CNTN5: variants seen among roughly 807,000 people sequenced by gnomAD.
CNTN5 encodes contactin 5.
A neutral mutation model predicts 129.1 loss-of-function variants in CNTN5; 77 were observed. That is an observed-to-expected ratio of 0.60 (90% CI 0.50 to 0.72). CNTN5 has a LOEUF of 0.72. Among genes scored for constraint, CNTN5 ranks in the 30% least tolerant of loss-of-function variants. CNTN5 has a pLI of 0.00. For synonymous variants in CNTN5, 509 were observed against 465.6 expected (o/e 1.09, Z -1.20); for missense variants, 1,478 against 1,328.8 (o/e 1.11, Z -1.75).
chr11:99,736,481 A>T (rs187286704), intron 3 of CNTN5, among the ~76,000 whole-genome samples: 1 of 152,220 alleles, frequency 6.6e-6, no homozygotes, highest in Non-Finnish European at 1.5e-5. Context: ...GCCTCCAGTC[A>T]AGGCCTCAAA....
At chr11:99,363,364 C>T (rs2136113094) in intron 2 of CNTN5, among the ~76,000 whole-genome samples, 1 of 152,182 alleles carries the variant, frequency 6.6e-6, no homozygotes, top group African/African-American at 2.4e-5. Context: ...TCTAAGTTGA[C>T]AGAATATACT....
chr11:99,890,663 C>T (rs1949035950), intron 6 of CNTN5, among the ~76,000 whole-genome samples: 1 of 152,030 alleles, frequency 6.6e-6, no homozygotes, highest in Admixed American at 6.6e-5. Flanking sequence ...TTTGAAGATA[C>T]TCCGCCCTCA....
chr11:99,445,455 G>A (rs184592912), intron 2 of CNTN5, among the ~76,000 whole-genome samples: 24 of 151,996 alleles, frequency 1.6e-4, no homozygotes, highest in African/African-American at 5.5e-4. Flanking sequence ...TTCAAATGGC[G>A]CCTCCAGTTT....
At chr11:99,919,429 A>G (rs1327055335) in intron 7 of CNTN5, among the ~76,000 whole-genome samples, 1 of 152,148 alleles carries the variant, frequency 6.6e-6, no homozygotes, top group African/African-American at 2.4e-5. Flanking sequence ...CCATCGGCCA[A>G]TGCCCTCTTC....
At chr11:100,250,261 T>C (rs1949936682) in intron 16 of CNTN5, among the ~76,000 whole-genome samples, 1 of 152,124 alleles carries the variant, frequency 6.6e-6, no homozygotes, top group South Asian at 2.1e-4. Flanking sequence ...AAATGAAACT[T>C]AAATCGCATC....
chr11:99,296,132 C>A (rs1039851350), intron 1 of CNTN5, among the ~76,000 whole-genome samples: 4 of 152,062 alleles, frequency 2.6e-5, no homozygotes, highest in African/African-American at 4.8e-5. Flanking sequence ...ATAAGAGTCT[C>A]GTGAGAGTAG....
intron 6 of CNTN5, among the ~76,000 whole-genome samples, chr11:99,910,103 A>G (rs933477727): frequency 6.6e-6 from 1 of 151,594 alleles, no homozygotes; most frequent in Non-Finnish European, 1.5e-5. Context: ...TCAAAGCTGA[A>G]TTAGTCACTT....
intron 6 of CNTN5, among the ~76,000 whole-genome samples, chr11:99,846,129 GACACACAC>G (rs10650307): frequency 7.6e-5 from 11 of 144,716 alleles, no homozygotes; most frequent in South Asian, 4.4e-4. Context: ...TACGGACATA[GACACACAC>G]ACACACACAC....
intron 1 of CNTN5, among the ~76,000 whole-genome samples, chr11:99,129,110 A>G (rs1858802445): frequency 6.6e-6 from 1 of 152,216 alleles, no homozygotes; most frequent in Non-Finnish European, 1.5e-5. Context: ...AGATGGGTGA[A>G]CTGACAGAAG....
chr11:100,000,392 C>A (rs958232921), intron 8 of CNTN5, among the ~76,000 whole-genome samples: 1 of 152,200 alleles, frequency 6.6e-6, no homozygotes, highest in Non-Finnish European at 1.5e-5. Context: ...AATCTTAAAG[C>A]ACCAAAATAG....
At chr11:99,162,035 T>C (rs1860634565) in intron 1 of CNTN5, among the ~76,000 whole-genome samples, 3 of 152,174 alleles carry the variant, frequency 2.0e-5, no homozygotes, top group African/African-American at 7.2e-5. Context: ...TATAAAAGTA[T>C]AGCAGGCAGT....
chr11:99,422,090 G>A (rs1044122860), intron 2 of CNTN5, among the ~76,000 whole-genome samples: 11 of 151,990 alleles, frequency 7.2e-5, no homozygotes, highest in Admixed American at 1.3e-4. Context: ...AGTGAGAGGC[G>A]GAAATCTAGA....
intron 1 of CNTN5, among the ~76,000 whole-genome samples, chr11:99,250,414 CT>C (rs1862037869): frequency 1.3e-5 from 2 of 151,964 alleles, no homozygotes; most frequent in South Asian, 4.1e-4. Flanking sequence ...CTTAAAAATG[CT>C]TTGGTGTAAT....
chr11:99,701,284 G>T (rs1462159348), intron 3 of CNTN5, among the ~76,000 whole-genome samples: 1 of 151,140 alleles, frequency 6.6e-6, no homozygotes, highest in Non-Finnish European at 1.5e-5. Context: ...TGGAACCTGA[G>T]AAATCATCTC....
At chr11:99,410,350 C>T (rs1259467034) in intron 2 of CNTN5, among the ~76,000 whole-genome samples, 1 of 151,998 alleles carries the variant, frequency 6.6e-6, no homozygotes, top group Non-Finnish European at 1.5e-5. Flanking sequence ...TAGGTGAAAA[C>T]AAGGACAAGA....
chr11:100,115,940 A>C (rs1945827620), intron 13 of CNTN5, among the ~76,000 whole-genome samples: 1 of 152,058 alleles, frequency 6.6e-6, no homozygotes, highest in Admixed American at 6.6e-5. Context: ...AGCCATTCAT[A>C]TGAAAAATTC....
intron 2 of CNTN5, among the ~76,000 whole-genome samples, chr11:99,362,124 A>G (rs1233305919): frequency 1.3e-5 from 2 of 152,066 alleles, no homozygotes; most frequent in Non-Finnish European, 2.9e-5. Context: ...TATTCCTAAT[A>G]ACACATGTTA....
At chr11:99,878,508 A>C (rs1185047610) in intron 6 of CNTN5, among the ~76,000 whole-genome samples, 1 of 152,224 alleles carries the variant, frequency 6.6e-6, no homozygotes, top group East Asian at 1.9e-4. Flanking sequence ...GTAAAATACC[A>C]TTAAAAAACA....
At chr11:99,492,087 G>A (rs931156506) in intron 2 of CNTN5, among the ~76,000 whole-genome samples, 1 of 152,118 alleles carries the variant, frequency 6.6e-6, no homozygotes, top group Non-Finnish European at 1.5e-5. Flanking sequence ...CATTATCTTT[G>A]TTGAGGGGAG....
Sources: allele counts gnomAD v4.1 joint callset (sites outside exome capture counted in the v4.1 genomes callset), GRCh38; gene constraint gnomAD v4.1.1; transcripts MANE v1.5; gene names NCBI Gene and HGNC (gene_info 2026-07-23, HGNC 2026-07-21).